Variants in CDKL2 observed in about 807,000 individuals in gnomAD.
The protein encoded by CDKL2 is cyclin dependent kinase like 2, also known as cyclin-dependent kinase-like 2.
Under a neutral mutation model 63.9 loss-of-function variants are expected in CDKL2, and 64 were observed. That is an observed-to-expected ratio of 1.00 (90% CI 0.82 to 1.23). The LOEUF is 1.23. CDKL2 is among the 50% of genes most tolerant of loss of function. The probability of loss-of-function intolerance (pLI) is 0.00; values close to 1 mark genes in which losing one functional copy is unlikely to be tolerated. For synonymous variants in CDKL2, 211 were observed against 229.2 expected, an observed-to-expected ratio of 0.92 and a Z score of 0.72; for missense variants, 656 against 668.0, an observed-to-expected ratio of 0.98 and a Z score of 0.20.
intron 12 of CDKL2, among the ~76,000 whole-genome samples, chr4:75,590,215 G>T (rs1405780151): frequency 6.6e-6 from 1 of 152,152 alleles, no homozygotes; most frequent in Non-Finnish European, 1.5e-5. Flanking sequence ...ATACTCTATG[G>T]TTCCTAAATG....
At chr4:75,586,770 A>ATAGC (rs1459217862) in intron 12 of CDKL2, among the ~76,000 whole-genome samples, 1 of 152,230 alleles carries the variant, frequency 6.6e-6, no homozygotes, top group Non-Finnish European at 1.5e-5. Flanking sequence ...TTCAGTAAGC[A>ATAGC]TAGAAATGAA....
chr4:75,602,071 C>T (rs960911760), intron 6 of CDKL2, among the ~76,000 whole-genome samples: 3 of 152,200 alleles, frequency 2.0e-5, no homozygotes, highest in African/African-American at 4.8e-5. Context: ...AAAGTATTGG[C>T]CATTTGTAAA....
At chr4:75,607,446 C>T (rs1729470963) in intron 3 of CDKL2, 85 bp from the exon 4 acceptor site, 2 of 1,010,190 alleles carry the variant, frequency 2.0e-6, no homozygotes, top group African/African-American at 3.2e-5. Context: ...TGTATGTTGT[C>T]CCTATAAAGA....
At chr4:75,620,516 TAACAATTCTCCA>T (rs1467900530) in intron 2 of CDKL2, among the ~76,000 whole-genome samples, 1 of 152,182 alleles carries the variant, frequency 6.6e-6, no homozygotes, top group Non-Finnish European at 1.5e-5. Context: ...TGGTAATTTG[TAACAATTCTCCA>T]ACTGAATACA....
chr4:75,602,316 G>A (rs1044979736), intron 6 of CDKL2, among the ~76,000 whole-genome samples: 1 of 152,170 alleles, frequency 6.6e-6, no homozygotes, highest in Non-Finnish European at 1.5e-5. Flanking sequence ...AGTAGCGGGG[G>A]TTACAGGCAC....
At chr4:75,614,225 T>C (rs1389482490) in intron 3 of CDKL2, 30 bp downstream of exon 3, 3 of 1,405,856 alleles carry the variant, frequency 2.1e-6, no homozygotes, top group Non-Finnish European at 3.0e-6. Context: ...AAATATGTGA[T>C]AAAGCAAATT....
chr4:75,584,044 A>G (rs1005119523), intron 12 of CDKL2, among the ~76,000 whole-genome samples: 6 of 152,202 alleles, frequency 3.9e-5, no homozygotes, highest in Non-Finnish European at 8.8e-5. Context: ...CTAGTTAATC[A>G]AACTAATTTC....
chr4:75,609,958 C>A (rs1729612071), intron 3 of CDKL2, among the ~76,000 whole-genome samples: 1 of 151,742 alleles, frequency 6.6e-6, no homozygotes, highest in Non-Finnish European at 1.5e-5. Context: ...AATCCCAGCA[C>A]TTTGGGAGAC....
intron 12 of CDKL2, among the ~76,000 whole-genome samples, chr4:75,582,801 A>G (rs1019188798): frequency 1.3e-5 from 2 of 152,178 alleles, no homozygotes; most frequent in Admixed American, 1.3e-4. Flanking sequence ...GAGGAAAATG[A>G]AACATTACAT....
intron 12 of CDKL2, among the ~76,000 whole-genome samples, chr4:75,582,433 T>TG (rs1430676594): frequency 6.6e-6 from 1 of 152,098 alleles, no homozygotes; most frequent in Non-Finnish European, 1.5e-5. Flanking sequence ...ATGAAGATGA[T>TG]AAAGTAAAAA....
chr4:75,607,374 C>A lies in CDKL2; in HGVS notation c.364-13G>T, dbSNP rs746136479. ...CTCTGTGTATGATCTAGACAAGAAGCAGAGTGTGACGGATGTTAAATAAAA... is the reference window on the plus strand; with the variant it reads ...CTCTGTGTATGATCTAGACAAGAAGAAGAGTGTGACGGATGTTAAATAAAA... On this transcript the variant is annotated splice_polypyrimidine_tract_variant and intron_variant, in intron 3 of 13. Coordinates refer to ENST00000307465, the MANE Select transcript of CDKL2 (RefSeq NM_001330724.2). 18 of 1,599,282 alleles carry A rather than the reference C, an allele frequency of 1.1e-5. No homozygotes were observed. The highest frequency in any genetic ancestry group is 1.4e-5 in the Non-Finnish European group (16 of 1,169,274).
intron 13 of CDKL2, among the ~76,000 whole-genome samples, chr4:75,580,779 C>A (rs1272939512): frequency 6.7e-6 from 1 of 148,456 alleles, no homozygotes; most frequent in Non-Finnish European, 1.5e-5. Flanking sequence ...CGGCTCACTG[C>A]AAGCTCCGCC....
At position 75,596,267 on chromosome 4, in the gene CDKL2, T is replaced by A; in HGVS notation, c.1396A>T (p.Asn466Tyr). The A allele has an allele frequency of 6.2e-7, 1 of 1,606,790 alleles. No homozygotes were observed. Among genetic ancestry groups the A allele is most frequent in the South Asian group, 1.1e-5 (1 of 90,914 alleles). ...PNRHSPSGIY[N>Y]INVTTLVSSE... is the part of the protein sequence containing the mutation. ...CTTACTAATGTGGTCACATTAATGT[T>A]ATAAATGCCTGATGGGGAATGTCTG... Residue 466 changes from asparagine to tyrosine, a missense_variant, in exon 10 of 14, where the codon AAC becomes TAC. Coordinates refer to ENST00000307465, the MANE Select transcript of CDKL2 (RefSeq NM_001330724.2).
rs958150007 is a variant in CDKL2 at position 75,599,695 on chromosome 4, A to G, written c.884+586T>C. On this transcript the variant is annotated intron_variant, in intron 7 of 13. Transcript: ENST00000307465. ...TATACTTCCACAAAAACAACATATC[A>G]CAACTAATTGAGTACAAAAGCAAAT... Among the ~76,000 whole-genome samples the G allele has an allele frequency of 7.9e-5, 12 of 152,192 alleles. No individual in the cohort carries two copies. The East Asian group carries it at 2.1e-3, about 27-fold the overall frequency.
intron 13 of CDKL2, among the ~76,000 whole-genome samples, chr4:75,580,501 A>T (rs535780409): frequency 2.7e-5 from 4 of 150,910 alleles, no homozygotes; most frequent in Non-Finnish European, 5.9e-5. Flanking sequence ...CCCCATCTCT[A>T]CCAAAAATAC....
intron 10 of CDKL2, among the ~76,000 whole-genome samples, chr4:75,595,803 C>T (rs1230754749): frequency 6.6e-6 from 1 of 151,838 alleles, no homozygotes; most frequent in South Asian, 2.1e-4. Context: ...GTGGCAGGCA[C>T]CTGTAATCCC....
At chr4:75,623,994 C>T (rs574654442) in intron 2 of CDKL2, among the ~76,000 whole-genome samples, 23 of 151,818 alleles carry the variant, frequency 1.5e-4, no homozygotes, top group African/African-American at 3.6e-4. Flanking sequence ...ATTAGCCAGG[C>T]GTGGTGGCGG....
At chr4:75,613,331 C>T (rs929264816) in intron 3 of CDKL2, among the ~76,000 whole-genome samples, 2 of 152,046 alleles carry the variant, frequency 1.3e-5, no homozygotes, top group Non-Finnish European at 2.9e-5. Flanking sequence ...AAATTAGAGA[C>T]AGTGAATAAT....
Position 75,591,942 on chromosome 4 carries a change from A to G in CDKL2, c.1541-17T>C. On this transcript the variant is annotated splice_polypyrimidine_tract_variant and intron_variant, in intron 11 of 13. Transcript: ENST00000307465. The stretch of plus-strand genomic sequence containing the variant: ...AATTTCGAGCTAGATAGAAATGACC[A>G]TAAACACAGTGAAAATATTAGACAT... The G allele has an allele frequency of 6.6e-7, 1 of 1,512,334 alleles. No homozygotes were observed. The highest frequency in any genetic ancestry group is 1.2e-5 in the South Asian group (1 of 83,456). 93.7% of individuals were successfully genotyped at this position (1,512,334 alleles called of 1,614,324 possible). A position where few individuals can be genotyped will look rare whatever the true frequency, so the allele number is the denominator to read the frequency against.
Sources: allele counts gnomAD v4.1 joint callset (sites outside exome capture counted in the v4.1 genomes callset), GRCh38; gene constraint gnomAD v4.1.1; transcripts MANE v1.5; gene names NCBI Gene and HGNC (gene_info 2026-07-23, HGNC 2026-07-21).